MYL3: variants seen among roughly 807,000 people sequenced by gnomAD.
The protein encoded by MYL3 is myosin light chain 3.
A neutral mutation model predicts 21.3 loss-of-function variants in MYL3; 11 were observed. The observed-to-expected ratio is 0.52, with a 90% confidence interval of 0.32 to 0.85. The LOEUF (loss-of-function observed/expected upper bound fraction) is 0.85. MYL3 is among the 40% of genes least tolerant of loss of function. The pLI is 0.03. For synonymous variants in MYL3, 88 were observed against 91.6 expected (o/e 0.96, Z 0.22); for missense variants, 206 against 253.3 (o/e 0.81, Z 1.27).
upstream of MYL3, among the ~76,000 whole-genome samples, chr3:46,866,901 G>A (rs188930056): frequency 1.3e-5 from 2 of 152,270 alleles, no homozygotes; most frequent in Admixed American, 1.3e-4. Context: ...GGTACAGGCA[G>A]TGACTGGACC....
intron 1 of MYL3, among the ~76,000 whole-genome samples, chr3:46,872,896 C>T (rs1036113678): frequency 1.3e-5 from 2 of 152,214 alleles, no homozygotes; most frequent in East Asian, 1.9e-4. Flanking sequence ...CTGGGGCCTG[C>T]TCATGAGGAA....
intron 1 of MYL3, chr3:46,877,743 G>C (rs545904589): frequency 6.6e-6 from 1 of 152,270 alleles, no homozygotes; most frequent in Non-Finnish European, 1.5e-5. Flanking sequence ...GCTTAGGCCT[G>C]AGCCACAGAA....
chr3:46,877,658 T>TA (rs2030306826), intron 1 of MYL3: 1 of 152,196 alleles, frequency 6.6e-6, no homozygotes, highest in Non-Finnish European at 1.5e-5. Flanking sequence ...TAGGGCTTGG[T>TA]AAAAAATAAT....
chr3:46,876,218 C>T (rs1332676234), intron 1 of MYL3, among the ~76,000 whole-genome samples: 1 of 152,248 alleles, frequency 6.6e-6, no homozygotes, highest in Non-Finnish European at 1.5e-5. Flanking sequence ...CAGGTCAAAG[C>T]AGAAAAGGCC....
upstream of MYL3, among the ~76,000 whole-genome samples, chr3:46,864,893 G>A (rs567929115): frequency 2.0e-5 from 3 of 152,386 alleles, no homozygotes; most frequent in South Asian, 6.2e-4. The surrounding 1 kb of genome is among the most constrained non-coding windows in gnomAD (Gnocchi z 4.7). Context: ...CCCGCATGGG[G>A]ACGCCAACAG....
At chr3:46,865,195 C>CGG (rs762347353), upstream of MYL3, among the ~76,000 whole-genome samples, 27 of 152,328 alleles carry the variant, frequency 1.8e-4, no homozygotes, top group South Asian at 2.5e-3. This position sits in a 1 kb window ranked among gnomAD's most constrained non-coding sequence, Gnocchi z 4.3. Flanking sequence ...GGCCAGCCCG[C>CGG]TCCTGACTGG....
rs534404612 is a variant in MYL3 at position 46,870,574 on chromosome 3, G to C, written c.-217-3974C>G. On this transcript the variant is annotated intron_variant, in intron 1 of 3. Coordinates refer to the MYL3 transcript ENST00000431168. ...ATACAAAAATCCTCTGTGGCCCAGGGTGTGGATGCTGCAATAAAAATGGCC... is the reference window on the plus strand; with the variant it reads ...ATACAAAAATCCTCTGTGGCCCAGGCTGTGGATGCTGCAATAAAAATGGCC... Among the ~76,000 whole-genome samples, 72 of 152,102 alleles carry C rather than the reference G, an allele frequency of 4.7e-4. 1 individual carries two copies. In the Middle Eastern group the frequency reaches 0.01, roughly 22 times the overall value.
chr3:46,859,702 C>A lies in MYL3; in HGVS notation c.308-54G>T. The A allele has an allele frequency of 6.3e-7, 1 of 1,596,186 alleles. No homozygotes were observed. The highest frequency in any genetic ancestry group is 8.6e-7 in the Non-Finnish European group (1 of 1,164,082). On this transcript the variant is annotated intron_variant, in intron 3 of 6. Coordinates refer to ENST00000292327, the MANE Select transcript of MYL3 (RefSeq NM_000258.3). The surrounding 1 kb of genome is among the most constrained non-coding windows in gnomAD (Gnocchi z 4.1). ...GTCTAAGGCTGGGGTGGGCACACCC[C>A]TCCCCCATGCCTGATAATGAGGAGC...
Position 46,860,949 on chromosome 3 carries a change from C to G in MYL3, c.157+11G>C. On this transcript the variant is annotated intron_variant, in intron 2 of 6. Transcript: ENST00000292327. The surrounding 1 kb of genome is among the most constrained non-coding windows in gnomAD (Gnocchi z 4.6). ...AATCCTGCAACCCCTGGGTTCAAGACCCCTGCTCACCTTCAATCTGCTCAG... is the reference window on the plus strand; with the variant it reads ...AATCCTGCAACCCCTGGGTTCAAGAGCCCTGCTCACCTTCAATCTGCTCAG... 2 of 1,614,134 alleles carry G rather than the reference C, an allele frequency of 1.2e-6. No individual in the cohort carries two copies. Among genetic ancestry groups the G allele is most frequent in the Non-Finnish European group, 1.7e-6 (2 of 1,180,018 alleles).
chr3:46,860,536 G>T lies in MYL3; in HGVS notation c.307+140C>A. The T allele has an allele frequency of 8.1e-7, 1 of 1,234,700 alleles. No homozygotes were observed. Among genetic ancestry groups the T allele is most frequent in the Non-Finnish European group, 1.1e-6 (1 of 885,066 alleles). The allele number at this position is 1,234,700 out of a possible 1,614,324, so 76.5% of individuals were successfully genotyped here. Reference sequence around the variant, plus strand: ...CATGTCACCTGGTCGGCATGGCCCTGTGACTGGCCTCGGTGCCCTCATCGG... The same window carrying T: ...CATGTCACCTGGTCGGCATGGCCCTTTGACTGGCCTCGGTGCCCTCATCGG... On this transcript the variant is annotated intron_variant, in intron 3 of 6. Coordinates refer to ENST00000292327, the MANE Select transcript of MYL3 (RefSeq NM_000258.3). This position sits in a 1 kb window ranked among gnomAD's most constrained non-coding sequence, Gnocchi z 4.6.
chr3:46,881,522 G>C (rs2030564833), intron 1 of MYL3, among the ~76,000 whole-genome samples: 1 of 152,182 alleles, frequency 6.6e-6, no homozygotes, highest in African/African-American at 2.4e-5. Context: ...CGAGCCTCCG[G>C]GGTTGGGGCT....
At chr3:46,873,220 G>A (rs1013889241) in intron 1 of MYL3, among the ~76,000 whole-genome samples, 11 of 152,264 alleles carry the variant, frequency 7.2e-5, no homozygotes, top group Admixed American at 2.6e-4. Flanking sequence ...AGCCACCCAG[G>A]CAGAGAAGGG....
At position 46,860,269 on chromosome 3, in the gene MYL3, T is replaced by C. The variant is rs1198265159; in HGVS notation, c.307+407A>G. Among the ~76,000 whole-genome samples the C allele has an allele frequency of 2.0e-5, 3 of 152,088 alleles. No individual in the cohort carries two copies. Among genetic ancestry groups the C allele is most frequent in the Non-Finnish European group, 4.4e-5 (3 of 68,010 alleles). ...TCAGCTTCCTGAGTAGCTGGGACCATAGGTGCATGTCACCATGCCAAGCTA... is the reference window on the plus strand; with the variant it reads ...TCAGCTTCCTGAGTAGCTGGGACCACAGGTGCATGTCACCATGCCAAGCTA... On this transcript the variant is annotated intron_variant, in intron 3 of 6. Coordinates refer to ENST00000292327, the MANE Select transcript of MYL3 (RefSeq NM_000258.3). The surrounding 1 kb of genome is among the most constrained non-coding windows in gnomAD (Gnocchi z 4.6).
At position 46,859,620 on chromosome 3, in the gene MYL3, T is replaced by C. The variant is rs749357074; in HGVS notation, c.336A>G (p.Glu112=). The part of the protein sequence containing the change: ...EELNTKMMDF[E]TFLPMLQHIS... ...TGTGCTGGAGCATAGGCAGGAAAGTTTCAAAGTCCATCATCTTGGTATTGA... is the reference window on the plus strand; with the variant it reads ...TGTGCTGGAGCATAGGCAGGAAAGTCTCAAAGTCCATCATCTTGGTATTGA... Residue 112 remains glutamate (E), a synonymous_variant, in exon 4 of 7, where the codon GAA becomes GAG. Transcript: ENST00000292327. This position sits in a 1 kb window ranked among gnomAD's most constrained non-coding sequence, Gnocchi z 4.1. 6.2e-7 allele frequency: 1 copy of C among 1,614,196 alleles called. No individual in the cohort carries two copies.
rs1332972173 is a variant in MYL3, at chr3:46,874,622, C to T, written c.-218+7452G>A. Among the ~76,000 whole-genome samples the T allele has an allele frequency of 3.3e-5, 5 of 152,166 alleles. No individual in the cohort carries two copies. The highest frequency in any genetic ancestry group is 2.1e-4 in the South Asian group (1 of 4,830). On this transcript the variant is annotated intron_variant, in intron 1 of 3. Transcript: ENST00000431168. The surrounding 1 kb of genome is among the most constrained non-coding windows in gnomAD (Gnocchi z 4.1). The stretch of plus-strand genomic sequence containing the variant: ...TTTGAGTTTAAGAAAACTTTGCAGT[C>T]GGCAGGAGCTCTTAAAGGTTATAAA...
intron 1 of MYL3, among the ~76,000 whole-genome samples, chr3:46,862,118 C>G (rs945273628): frequency 6.6e-6 from 1 of 152,158 alleles, no homozygotes; most frequent in Non-Finnish European, 1.5e-5. Flanking sequence ...TCTCATTGTC[C>G]CCACCTCTCA....
chr3:46,864,459 GC>G (rs1049852178), upstream of MYL3, among the ~76,000 whole-genome samples: 9 of 152,032 alleles, frequency 5.9e-5, no homozygotes, highest in East Asian at 1.9e-4. The surrounding 1 kb of genome is among the most constrained non-coding windows in gnomAD (Gnocchi z 4.7). Flanking sequence ...CTCTCTACAG[GC>G]CCCAGGGATG....
chr3:46,864,869 G>A (rs1352090248), upstream of MYL3, among the ~76,000 whole-genome samples: 1 of 152,204 alleles, frequency 6.6e-6, no homozygotes, highest in East Asian at 1.9e-4. The surrounding 1 kb of genome is among the most constrained non-coding windows in gnomAD (Gnocchi z 4.7). Context: ...GGGCTGAGGT[G>A]GCACAAGGCT....
intron 1 of MYL3, among the ~76,000 whole-genome samples, chr3:46,876,410 G>T (rs2030216076): frequency 6.6e-6 from 1 of 152,202 alleles, no homozygotes; most frequent in South Asian, 2.1e-4. Context: ...CCGCTGGCCT[G>T]GTCACAGAAT....
Sources: allele counts gnomAD v4.1 joint callset (sites outside exome capture counted in the v4.1 genomes callset), GRCh38; gene constraint gnomAD v4.1.1; non-coding constraint Gnocchi (gnomAD v3.1); transcripts MANE v1.5; gene names NCBI Gene and HGNC (gene_info 2026-07-23, HGNC 2026-07-21).